AGPAT4: variants seen among roughly 807,000 people sequenced by gnomAD.
The protein encoded by AGPAT4 is 1-acylglycerol-3-phosphate O-acyltransferase 4, also known as 1-acyl-sn-glycerol-3-phosphate acyltransferase delta.
In AGPAT4, 15 loss-of-function variants were observed where a neutral mutation model predicts 48.0. That is an observed-to-expected ratio of 0.31 (90% CI 0.21 to 0.48). The LOEUF is 0.48. Among genes scored for constraint, AGPAT4 ranks in the 20% least tolerant of loss-of-function variants. The pLI is 0.99. For missense variants in AGPAT4, 314 were observed against 482.5 expected (o/e 0.65, Z 3.27); for synonymous variants, 178 against 198.7 (o/e 0.90, Z 0.88).
chr6:161,175,709 G>A (rs1172050624), intron 2 of AGPAT4, among the ~76,000 whole-genome samples: 1 of 152,008 alleles, frequency 6.6e-6, no homozygotes, highest in African/African-American at 2.4e-5. Context: ...TGCTTCTCTA[G>A]TTCTTTTAAT....
chr6:161,259,438 T>C lies in AGPAT4; in HGVS notation c.-90+14500A>G, dbSNP rs1582916469. Reference sequence around the variant, plus strand: ...TTGAGTTGCTGGTGATCACGGACTTTTGTAGAGCCACCCGGTCTTTTGCAG... The same window carrying C: ...TTGAGTTGCTGGTGATCACGGACTTCTGTAGAGCCACCCGGTCTTTTGCAG... On this transcript the variant is annotated intron_variant, in intron 1 of 8. Coordinates refer to ENST00000320285, the MANE Select transcript of AGPAT4 (RefSeq NM_020133.3). This position sits in a 1 kb window ranked among gnomAD's most constrained non-coding sequence, Gnocchi z 4.9. 6.6e-6 allele frequency among the ~76,000 whole-genome samples: 1 copy of C among 152,094 alleles called. No homozygotes were observed. The highest frequency in any genetic ancestry group is 1.5e-5 in the Non-Finnish European group (1 of 67,990).
rs1779459744 is a variant in AGPAT4, at chr6:161,147,311, A to G, written c.768-712T>C. Among the ~76,000 whole-genome samples, 1 of 152,188 alleles carries G rather than the reference A, an allele frequency of 6.6e-6. No homozygotes were observed. The highest frequency in any genetic ancestry group is 1.5e-5 in the Non-Finnish European group (1 of 68,034). On this transcript the variant is annotated intron_variant, in intron 6 of 8. Transcript: ENST00000320285. The surrounding 1 kb of genome is among the most constrained non-coding windows in gnomAD (Gnocchi z 4.8). ...CCACTCGATCATTTGCAAAGAGCCC[A>G]TACTGAACACAGGGAGAAGTCACTC...
rs573754170 is a variant in AGPAT4 at position 161,263,172 on chromosome 6, T to C, written c.-90+10766A>G. ...CCACCACCAAGATTCCCAGCCACCT[T>C]GGATGCTTAAGGAAGGTGCATTTCC... On this transcript the variant is annotated intron_variant, in intron 1 of 8. Coordinates refer to ENST00000320285, the MANE Select transcript of AGPAT4 (RefSeq NM_020133.3). Among the ~76,000 whole-genome samples the C allele has an allele frequency of 2.7e-4, 8 of 29,724 alleles. No homozygotes were observed. The East Asian group carries it at 6.8e-3, about 25-fold the overall frequency. The allele number at this position is 29,724 out of a possible 152,430, so 19.5% of individuals were successfully genotyped here.
rs1221630446 is a variant in AGPAT4, at chr6:161,242,205, G to GTGAA, written c.-89-9907_-89-9904dup. Among the ~76,000 whole-genome samples the GTGAA allele has an allele frequency of 6.6e-6, 1 of 152,234 alleles. No homozygotes were observed. Among genetic ancestry groups the GTGAA allele is most frequent in the African/African-American group, 2.4e-5 (1 of 41,466 alleles). ...GAAAACCGAGGTTTAGTTAGAGGAG[G>GTGAA]TGAAGTGTAAAGGGCTAATGGTGAG... On this transcript the variant is annotated intron_variant, in intron 1 of 8. Transcript: ENST00000320285. The surrounding 1 kb of genome is among the most constrained non-coding windows in gnomAD (Gnocchi z 5.0).
At position 161,249,426 on chromosome 6, in the gene AGPAT4, G is replaced by T; in HGVS notation, c.-89-17124C>A. ...TTTGCAAACTATGCATCTGACAAAG[G>T]CCTAAAATCCAGCATCCATAAGGAA... On this transcript the variant is annotated intron_variant, in intron 1 of 8. Transcript: ENST00000320285. This position sits in a 1 kb window ranked among gnomAD's most constrained non-coding sequence, Gnocchi z 6.2. Among the ~76,000 whole-genome samples the T allele has an allele frequency of 1.3e-5, 2 of 152,142 alleles. No homozygotes were observed. Among genetic ancestry groups the T allele is most frequent in the Middle Eastern group, 3.4e-3 (1 of 294 alleles).
In AGPAT4 at chr6:161,177,934, TG is replaced by T; in HGVS notation, c.179-11518del. ...GAAGTCCACTCCAGTCCTGTTTATC[TG>T]GGTATCACCAGTGGAGGCTGCAGAA... On this transcript the variant is annotated intron_variant, in intron 2 of 8. Coordinates refer to ENST00000320285, the MANE Select transcript of AGPAT4 (RefSeq NM_020133.3). This position sits in a 1 kb window ranked among gnomAD's most constrained non-coding sequence, Gnocchi z 5.0. Among the ~76,000 whole-genome samples, 1 of 152,222 alleles carries T rather than the reference TG, an allele frequency of 6.6e-6. No homozygotes were observed. Among genetic ancestry groups the T allele is most frequent in the South Asian group, 2.1e-4 (1 of 4,836 alleles).
chr6:161,166,537 T>G lies in AGPAT4; in HGVS notation c.179-120A>C. The G allele has an allele frequency of 8.2e-7, 1 of 1,221,012 alleles. No homozygotes were observed. Among genetic ancestry groups the G allele is most frequent in the Non-Finnish European group, 1.1e-6 (1 of 882,752 alleles). 75.6% of individuals were successfully genotyped at this position (1,221,012 alleles called of 1,614,324 possible). ...AAAGCAACTTCTACGGGCAAAGTTCTGGATCGTTGCAGCACAGACCTTGGT... is the reference window on the plus strand; with the variant it reads ...AAAGCAACTTCTACGGGCAAAGTTCGGGATCGTTGCAGCACAGACCTTGGT... On this transcript the variant is annotated intron_variant, in intron 2 of 8. Coordinates refer to ENST00000320285, the MANE Select transcript of AGPAT4 (RefSeq NM_020133.3). The surrounding 1 kb of genome is among the most constrained non-coding windows in gnomAD (Gnocchi z 6.7).
chr6:161,152,338 C>G (rs1665543354), intron 5 of AGPAT4, among the ~76,000 whole-genome samples: 1 of 152,008 alleles, frequency 6.6e-6, no homozygotes, highest in Non-Finnish European at 1.5e-5. Context: ...TGGGTCCCGG[C>G]AGCCCCAGAA....
rs547697744 is a variant in AGPAT4, at chr6:161,137,190, T to C, written c.1043-556A>G. 6.6e-6 allele frequency among the ~76,000 whole-genome samples: 1 copy of C among 152,220 alleles called. No homozygotes were observed. Among genetic ancestry groups the C allele is most frequent in the East Asian group, 1.9e-4 (1 of 5,168 alleles). Reference sequence around the variant, plus strand: ...GGCAGGACCCTCGTGGGAGCCCAGTTTAATATAGGAAGCTGGAAAGCAGGG... The same window carrying C: ...GGCAGGACCCTCGTGGGAGCCCAGTCTAATATAGGAAGCTGGAAAGCAGGG... On this transcript the variant is annotated intron_variant, in intron 8 of 8. Coordinates refer to ENST00000320285, the MANE Select transcript of AGPAT4 (RefSeq NM_020133.3). The surrounding 1 kb of genome is among the most constrained non-coding windows in gnomAD (Gnocchi z 6.1).
In AGPAT4 at chr6:161,166,225, G is replaced by T. The variant is rs192737955; in HGVS notation, c.348+23C>A. 1.1e-5 allele frequency: 17 copies of T among 1,611,432 alleles called. No individual in the cohort carries two copies. Among genetic ancestry groups the T allele is most frequent in the South Asian group, 5.5e-5 (5 of 90,432 alleles). On this transcript the variant is annotated intron_variant, in intron 3 of 8. Coordinates refer to ENST00000320285, the MANE Select transcript of AGPAT4 (RefSeq NM_020133.3). This position sits in a 1 kb window ranked among gnomAD's most constrained non-coding sequence, Gnocchi z 6.7. ...TGAACCAGAGAAATGTGTGAGGCAG[G>T]GGGGAATGCACTTCTGACTTACCCC...
rs532353179 is a variant in AGPAT4 at position 161,163,398 on chromosome 6, G to GT, written c.348+2849dup. Among the ~76,000 whole-genome samples, 1,424 of 148,580 alleles carry GT rather than the reference G, an allele frequency of 9.6e-3. 10 individuals carry two copies. The highest frequency in any genetic ancestry group is 0.027 in the Admixed American group (405 of 14,888). ...AAAAAACAGAGAGATGAATGAGGTTGTTTTTTTTTTCTGAAGGTCATTAAA... is the reference window on the plus strand; with the variant it reads ...AAAAAACAGAGAGATGAATGAGGTTGTTTTTTTTTTTCTGAAGGTCATTAAA... On this transcript the variant is annotated intron_variant, in intron 3 of 8. Coordinates refer to ENST00000320285, the MANE Select transcript of AGPAT4 (RefSeq NM_020133.3).
rs931225078 is a variant in AGPAT4 at position 161,234,983 on chromosome 6, G to C, written c.-89-2681C>G. ...TCAGATAGCATTGGTGAAGTGTAAA[G>C]AGGAACCCCAAGCAGATGAGCCTAA... On this transcript the variant is annotated intron_variant, in intron 1 of 8. Transcript: ENST00000320285. This position sits in a 1 kb window ranked among gnomAD's most constrained non-coding sequence, Gnocchi z 4.4. Among the ~76,000 whole-genome samples the C allele has an allele frequency of 6.6e-6, 1 of 151,932 alleles. No individual in the cohort carries two copies. Among genetic ancestry groups the C allele is most frequent in the Non-Finnish European group, 1.5e-5 (1 of 68,018 alleles).
chr6:161,239,019 T>C (rs532044566), intron 1 of AGPAT4, among the ~76,000 whole-genome samples: 30 of 152,300 alleles, frequency 2.0e-4, no homozygotes, highest in African/African-American at 7.0e-4. Flanking sequence ...AATAGACTAA[T>C]TAATACACAT....
rs536775647 is a variant in AGPAT4 at position 161,189,458 on chromosome 6, A to G, written c.179-23041T>C. ...CCCACATGTATTGTACACACACTGT[A>G]GCCACACAGTGAGTGAGGCTCGTCA... On this transcript the variant is annotated intron_variant, in intron 2 of 8. Transcript: ENST00000320285. This position sits in a 1 kb window ranked among gnomAD's most constrained non-coding sequence, Gnocchi z 5.3. 6.6e-6 allele frequency among the ~76,000 whole-genome samples: 1 copy of G among 152,326 alleles called. No individual in the cohort carries two copies. Among genetic ancestry groups the G allele is most frequent in the East Asian group, 1.9e-4 (1 of 5,180 alleles).
intron 1 of AGPAT4, among the ~76,000 whole-genome samples, chr6:161,250,954 G>T (rs148412968): frequency 2.0e-5 from 3 of 152,148 alleles, no homozygotes; most frequent in Non-Finnish European, 4.4e-5. Context: ...CTTGCATATT[G>T]CTTTCTTAAA....
At chr6:161,237,536 G>A (rs1379251268) in intron 1 of AGPAT4, among the ~76,000 whole-genome samples, 2 of 152,214 alleles carry the variant, frequency 1.3e-5, no homozygotes, top group East Asian at 1.9e-4. Context: ...TACCAAAGGG[G>A]TTAAGTCAGC....
chr6:161,239,459 G>A lies in AGPAT4; in HGVS notation c.-89-7157C>T, dbSNP rs544385152. Among the ~76,000 whole-genome samples, 5 of 152,240 alleles carry A rather than the reference G, an allele frequency of 3.3e-5. No homozygotes were observed. In the South Asian group the frequency reaches 6.2e-4, roughly 19 times the overall value. On this transcript the variant is annotated intron_variant, in intron 1 of 8. Transcript: ENST00000320285. ...CTAAACCTGAAATGGGATTAACTCC[G>A]CCACTAGCTGGATTTAAAAGGTATT...
At chr6:161,163,728 G>T (rs543533106) in intron 3 of AGPAT4, among the ~76,000 whole-genome samples, 2 of 152,342 alleles carry the variant, frequency 1.3e-5, no homozygotes, top group African/African-American at 4.8e-5. Context: ...TGTTTCTGTG[G>T]TGTTTGGAGA....
In AGPAT4 at chr6:161,161,605, G is replaced by A. The variant is rs1779938667; in HGVS notation, c.348+4643C>T. 1.5e-5 allele frequency: 6 copies of A among 401,848 alleles called. No individual in the cohort carries two copies. The highest frequency in any genetic ancestry group is 4.1e-5 in the African/African-American group (2 of 48,698). 24.9% of individuals were successfully genotyped at this position (401,848 alleles called of 1,614,324 possible). A position where few individuals can be genotyped will look rare whatever the true frequency, so the allele number is the denominator to read the frequency against. On this transcript the variant is annotated intron_variant, in intron 3 of 8. Transcript: ENST00000320285. The surrounding 1 kb of genome is among the most constrained non-coding windows in gnomAD (Gnocchi z 4.6). ...CCTACAGAGCTGACAAAACCATGGC[G>A]GTGGGCATATCTGCTGAAAATACCC...
Sources: allele counts gnomAD v4.1 joint callset (sites outside exome capture counted in the v4.1 genomes callset), GRCh38; gene constraint gnomAD v4.1.1; non-coding constraint Gnocchi (gnomAD v3.1); transcripts MANE v1.5; gene names NCBI Gene and HGNC (gene_info 2026-07-23, HGNC 2026-07-21).